The following ITPR2 variants were observed in gnomAD, a reference collection of about 807,000 sequenced individuals.
The protein encoded by ITPR2 is inositol 1,4,5-trisphosphate-gated calcium channel ITPR2.
ITPR2 carries 207 observed loss-of-function variants against 317.1 expected under a neutral mutation model. The ratio of observed to expected loss-of-function variants is 0.65; its 90% CI spans 0.58 to 0.73. The LOEUF (loss-of-function observed/expected upper bound fraction) is 0.73, where lower values mean the gene tolerates loss of function less well. Among genes scored for constraint, ITPR2 ranks in the 30% least tolerant of loss-of-function variants. ITPR2 has a pLI of 0.00. For missense variants in ITPR2, 2,613 were observed against 3,284.0 expected, an observed-to-expected ratio of 0.80 and a Z score of 4.99; for synonymous variants, 1,156 against 1,149.1, an observed-to-expected ratio of 1.01 and a Z score of -0.12.
Position 26,832,765 on chromosome 12 carries a change from G to A in ITPR2, c.17C>T (p.Ser6Phe). 1 of 1,602,236 alleles carries A rather than the reference G, an allele frequency of 6.2e-7. No individual in the cohort carries two copies. The highest frequency in any genetic ancestry group is 1.7e-4 in the Middle Eastern group (1 of 6,018). ...GATGTCCCCTATGTAGAGGAAGCTG[G>A]ACATTTTCTCAGTCATGCTGCTTCA... is the stretch of plus-strand genomic sequence containing the variant. MTEKM[S>F]SFLYIGDIVS... is the part of the protein sequence containing the mutation. Residue 6 changes from serine (S) to phenylalanine (F), a missense_variant, in exon 1 of 57, where the codon TCC becomes TTC. Around this residue, in one of 9 missense-constraint regions of ITPR2, gnomAD observed 515 missense variants for 789.4 expected, o/e 0.65. Coordinates refer to ENST00000381340, the MANE Select transcript of ITPR2 (RefSeq NM_002223.4).
intron 10 of ITPR2, among the ~76,000 whole-genome samples, chr12:26,693,328 A>G (rs1948275021): frequency 6.6e-6 from 1 of 152,220 alleles, no homozygotes; most frequent in Admixed American, 6.5e-5. Flanking sequence ...AAGTCTAACT[A>G]AAAGCTTGAT....
intron 45 of ITPR2, among the ~76,000 whole-genome samples, chr12:26,447,401 A>T (rs1941633342): frequency 6.6e-6 from 1 of 151,948 alleles, no homozygotes; most frequent in Non-Finnish European, 1.5e-5. Context: ...ATAGATTGTA[A>T]GCTATTAGGA....
intron 2 of ITPR2, among the ~76,000 whole-genome samples, chr12:26,766,970 T>A (rs1949731458): frequency 6.6e-6 from 1 of 152,222 alleles, no homozygotes; most frequent in African/African-American, 2.4e-5. Flanking sequence ...CGTATATATA[T>A]AATACATCAT....
intron 10 of ITPR2, among the ~76,000 whole-genome samples, chr12:26,690,765 A>G (rs1401274010): frequency 3.3e-5 from 5 of 152,190 alleles, no homozygotes; most frequent in Non-Finnish European, 1.5e-5. Flanking sequence ...TCACACTGCA[A>G]CAATTAGACT....
chr12:26,751,634 C>T (rs1209738780), intron 2 of ITPR2, among the ~76,000 whole-genome samples: 2 of 152,108 alleles, frequency 1.3e-5, no homozygotes, highest in African/African-American at 4.8e-5. Flanking sequence ...CTTTGGGAGG[C>T]TGAGGGGGCG....
At chr12:26,603,026 C>T (rs950345577) in intron 26 of ITPR2, among the ~76,000 whole-genome samples, 2 of 152,056 alleles carry the variant, frequency 1.3e-5, no homozygotes, top group African/African-American at 2.4e-5. Context: ...CATGCTGTGG[C>T]TTTATATTGC....
chr12:26,736,852 C>G (rs563930757), intron 2 of ITPR2, among the ~76,000 whole-genome samples: 11 of 152,246 alleles, frequency 7.2e-5, no homozygotes, highest in African/African-American at 2.4e-4. Context: ...AAGCAGCATC[C>G]TAACAAATTA....
intron 26 of ITPR2, among the ~76,000 whole-genome samples, chr12:26,615,211 T>C (rs1412415659): frequency 6.6e-6 from 1 of 152,154 alleles, no homozygotes; most frequent in African/African-American, 2.4e-5. Flanking sequence ...AAATCTCAAG[T>C]ACATCGGATC....
chr12:26,517,325 A>T (rs1282966060), intron 37 of ITPR2, among the ~76,000 whole-genome samples: 1 of 152,230 alleles, frequency 6.6e-6, no homozygotes, highest in Non-Finnish European at 1.5e-5. Context: ...TCCAGAATCT[A>T]TAAGGATTTT....
In ITPR2 at chr12:26,339,098, T is replaced by C. The variant is rs1938016004; in HGVS notation, c.*299A>G. On this transcript the variant is annotated 3_prime_UTR_variant, in exon 57 of 57. Transcript: ENST00000381340. Reference sequence around the variant, plus strand: ...GCAGAAGAGAGTTCTCCCTGCCCCGTGTCTCCTTCCATCCTGCCGCTCCCT... The same window carrying C: ...GCAGAAGAGAGTTCTCCCTGCCCCGCGTCTCCTTCCATCCTGCCGCTCCCT... 1 of 282,848 alleles carries C rather than the reference T, an allele frequency of 3.5e-6. No homozygotes were observed. Among genetic ancestry groups the C allele is most frequent in the South Asian group, 6.4e-5 (1 of 15,512 alleles). 17.5% of individuals were successfully genotyped at this position (282,848 alleles called of 1,614,324 possible).
rs1948721936 is a variant in ITPR2, at chr12:26,715,413, T to A, written c.741A>T (p.Gln247His). The change falls in exon 8 of 57, where the codon CAA becomes CAT. Residue 247 changes from glutamine (Q) to histidine (H), a missense_variant. Transcript: ENST00000381340. ...ATTCATCACAAGTCAAAAACTTCTCTTGTTCCGCATGAAATAATCTAACAA... is the reference window on the plus strand; with the variant it reads ...ATTCATCACAAGTCAAAAACTTCTCATGTTCCGCATGAAATAATCTAACAA... ...GDVVRLFHAE[Q>H]EKFLTCDEYE... The A allele has an allele frequency of 2.5e-6, 4 of 1,613,554 alleles. No individual in the cohort carries two copies. Among genetic ancestry groups the A allele is most frequent in the East Asian group, 4.5e-5 (2 of 44,840 alleles).
At chr12:26,799,056 CAT>C (rs1161456514) in intron 1 of ITPR2, among the ~76,000 whole-genome samples, 5 of 152,160 alleles carry the variant, frequency 3.3e-5, no homozygotes, top group African/African-American at 7.2e-5. Flanking sequence ...TGTTGACAAA[CAT>C]ATATTTTGGT....
intron 45 of ITPR2, among the ~76,000 whole-genome samples, chr12:26,467,544 C>T (rs1362413235): frequency 6.6e-6 from 1 of 152,130 alleles, no homozygotes; most frequent in East Asian, 1.9e-4. Context: ...TCCTATTAGA[C>T]TTTGAATTCA....
At chr12:26,357,068 G>A (rs1348696648) in intron 55 of ITPR2, among the ~76,000 whole-genome samples, 1 of 151,948 alleles carries the variant, frequency 6.6e-6, no homozygotes, top group Non-Finnish European at 1.5e-5. Context: ...GTGACAGAGT[G>A]TCTTTTTTAT....
At chr12:26,661,273 TGTG>T (rs201245185) in intron 15 of ITPR2, among the ~76,000 whole-genome samples, 5,952 of 13,988 alleles carry the variant, frequency 0.43, 719 homozygotes, top group African/African-American at 0.49. Context: ...GGGGTGTGTG[TGTG>T]GGGGGGGGGG....
chr12:26,592,870 T>A (rs371628924), intron 32 of ITPR2, among the ~76,000 whole-genome samples: 3 of 152,230 alleles, frequency 2.0e-5, no homozygotes, highest in African/African-American at 4.8e-5. Context: ...AGTTTTTCCC[T>A]ATGCTGAATG....
chr12:26,392,839 A>T (rs752187849), intron 54 of ITPR2, among the ~76,000 whole-genome samples: 3 of 152,218 alleles, frequency 2.0e-5, no homozygotes, highest in Non-Finnish European at 4.4e-5. Context: ...CTGACCTATC[A>T]TCAAATCCTT....
At chr12:26,686,377 T>C in intron 11 of ITPR2, 104 bp downstream of exon 11, 1 of 677,788 alleles carries the variant, frequency 1.5e-6, no homozygotes, top group Non-Finnish European at 2.2e-6. Flanking sequence ...TCATTTATGT[T>C]TGCTCCCTTG....
At chr12:26,777,895 A>C (rs145492485) in intron 2 of ITPR2, among the ~76,000 whole-genome samples, 1 of 152,160 alleles carries the variant, frequency 6.6e-6, no homozygotes, top group Admixed American at 6.5e-5. Flanking sequence ...GCACTGGAGA[A>C]AGGGAAATGA....
Sources: allele counts gnomAD v4.1 joint callset (sites outside exome capture counted in the v4.1 genomes callset), GRCh38; gene constraint gnomAD v4.1.1; regional missense constraint gnomAD v4.1.1; transcripts MANE v1.5; gene names NCBI Gene and HGNC (gene_info 2026-07-23, HGNC 2026-07-21).